CECR2: variants seen among roughly 807,000 people sequenced by gnomAD.
CECR2 encodes the protein chromatin remodeling regulator CECR2.
Under a neutral mutation model 154.5 loss-of-function variants are expected in CECR2, and 30 were observed. The ratio of observed to expected loss-of-function variants is 0.19; its 90% CI spans 0.15 to 0.26. CECR2 has a LOEUF of 0.26. Ranked by LOEUF, CECR2 falls within the 10% of genes least tolerant of loss-of-function variation. CECR2 has a pLI of 1.00. For missense variants in CECR2, 1,743 were observed against 1,829.3 expected, an observed-to-expected ratio of 0.95 and a Z score of 0.86; for synonymous variants, 725 against 683.7, an observed-to-expected ratio of 1.06 and a Z score of -0.94.
intron 1 of CECR2, among the ~76,000 whole-genome samples, chr22:17,389,162 G>A (rs1394548602): frequency 1.3e-5 from 2 of 152,168 alleles, no homozygotes; most frequent in East Asian, 3.9e-4. Context: ...AAACTTAGAA[G>A]GCTGGTACAC....
intron 5 of CECR2, among the ~76,000 whole-genome samples, chr22:17,502,735 G>A (rs904332003): frequency 2.6e-5 from 4 of 152,096 alleles, no homozygotes; most frequent in Non-Finnish European, 5.9e-5. Flanking sequence ...CCTGGGAGGC[G>A]GAGGTTGCAG....
chr22:17,385,840 C>T (rs951026656), intron 1 of CECR2, among the ~76,000 whole-genome samples: 8 of 152,136 alleles, frequency 5.3e-5, no homozygotes, highest in Non-Finnish European at 8.8e-5. Flanking sequence ...GGGCATGAAC[C>T]GCTGATGGTA....
At chr22:17,366,323 G>A (rs2084392255), upstream of CECR2, among the ~76,000 whole-genome samples, 1 of 152,164 alleles carries the variant, frequency 6.6e-6, no homozygotes, top group Admixed American at 6.5e-5. Context: ...GAGTAGCTGG[G>A]AGTACAGGGG....
At chr22:17,420,793 C>T (rs1412511051) in intron 1 of CECR2, among the ~76,000 whole-genome samples, 1 of 151,854 alleles carries the variant, frequency 6.6e-6, no homozygotes, top group Non-Finnish European at 1.5e-5. Context: ...AATGTTTATC[C>T]GTATGCATTT....
In CECR2 at chr22:17,525,918, A is replaced by G. The variant is rs77655090; in HGVS notation, c.1108+1647A>G. Among the ~76,000 whole-genome samples, 1,272 of 152,308 alleles carry G rather than the reference A, an allele frequency of 8.4e-3. 21 individuals carry two copies. The highest frequency in any genetic ancestry group is 0.029 in the African/African-American group (1,193 of 41,558). On this transcript the variant is annotated intron_variant, in intron 9 of 18. Transcript: ENST00000262608. ...TATTGTAGTCCCATCTACAGAAGTC[A>G]CAAATAAAATTAAATCCTAGGAATT... is the stretch of plus-strand genomic sequence containing the variant.
intron 1 of CECR2, among the ~76,000 whole-genome samples, chr22:17,413,920 G>A (rs562643309): frequency 4.7e-5 from 7 of 149,228 alleles, no homozygotes; most frequent in Non-Finnish European, 1.0e-4. Flanking sequence ...CTTGTGATCC[G>A]CCCACCTCGG....
intron 1 of CECR2, among the ~76,000 whole-genome samples, chr22:17,381,949 A>G (rs578160238): frequency 4.6e-5 from 7 of 150,894 alleles, no homozygotes; most frequent in Admixed American, 6.6e-5. Flanking sequence ...GTGCAGTGGC[A>G]CAATCTTGGC....
At chr22:17,400,322 C>G (rs974061668) in intron 1 of CECR2, among the ~76,000 whole-genome samples, 4 of 152,142 alleles carry the variant, frequency 2.6e-5, no homozygotes, top group Non-Finnish European at 2.9e-5. Flanking sequence ...AAAAACAAAG[C>G]TGTCTGGGAA....
chr22:17,437,340 T>C (rs1234135504), intron 1 of CECR2, among the ~76,000 whole-genome samples: 2 of 152,114 alleles, frequency 1.3e-5, no homozygotes, highest in South Asian at 4.1e-4. Flanking sequence ...CTCAGTTTGT[T>C]TCGTCCCTTT....
At chr22:17,425,065 A>G (rs994776411) in intron 1 of CECR2, among the ~76,000 whole-genome samples, 15 of 152,102 alleles carry the variant, frequency 9.9e-5, no homozygotes, top group African/African-American at 3.4e-4. Context: ...TTAACTATGC[A>G]TTTACTTGCC....
At chr22:17,508,529 G>A (rs1238750210) in intron 7 of CECR2, among the ~76,000 whole-genome samples, 1 of 152,164 alleles carries the variant, frequency 6.6e-6, no homozygotes, top group Admixed American at 6.5e-5. Flanking sequence ...ATATCCTGTA[G>A]TCTGGGTGTG....
At chr22:17,485,273 G>A (rs1168188953) in intron 2 of CECR2, among the ~76,000 whole-genome samples, 1 of 152,192 alleles carries the variant, frequency 6.6e-6, no homozygotes, top group Non-Finnish European at 1.5e-5. Context: ...AGACAGTACA[G>A]ATCTGTTTCC....
At chr22:17,450,017 TA>T (rs2054743212) in intron 1 of CECR2, among the ~76,000 whole-genome samples, 1 of 152,174 alleles carries the variant, frequency 6.6e-6, no homozygotes, top group Admixed American at 6.5e-5. Flanking sequence ...AATGAATGAG[TA>T]AACTGATGGT....
At chr22:17,515,412 A>T (rs890696472) in intron 8 of CECR2, among the ~76,000 whole-genome samples, 1 of 152,234 alleles carries the variant, frequency 6.6e-6, no homozygotes, top group African/African-American at 2.4e-5. Flanking sequence ...TGGAGACTAC[A>T]TGTAGAAAAC....
intron 7 of CECR2, among the ~76,000 whole-genome samples, chr22:17,510,682 A>C (rs1014567141): frequency 6.6e-6 from 1 of 152,060 alleles, no homozygotes; most frequent in Non-Finnish European, 1.5e-5. Flanking sequence ...GCTCACTGCA[A>C]GCTCCGCCTG....
intron 1 of CECR2, among the ~76,000 whole-genome samples, chr22:17,383,083 G>A (rs566989971): frequency 6.6e-5 from 10 of 152,156 alleles, no homozygotes; most frequent in South Asian, 2.1e-4. Flanking sequence ...AAAATTAGCC[G>A]GGCACGGTGG....
At chr22:17,552,784 T>TTTTTTTTTTTTTTTTTTTG in intron 18 of CECR2, 51 bp from the exon 19 acceptor site, 1 of 1,419,144 alleles carries the variant, frequency 7.0e-7, no homozygotes. Context: ...GTTTTTTTTT[T>TTTTTTTTTTTTTTTTTTTG]TTTAACAACC....
chr22:17,404,657 A>G (rs187983106), intron 1 of CECR2, among the ~76,000 whole-genome samples: 145,995 of 148,166 alleles, frequency 0.99, 72,495 homozygotes, highest in South Asian at 1. Flanking sequence ...ACAGGCGTGA[A>G]CCACCGCGCC....
intron 17 of CECR2, among the ~76,000 whole-genome samples, chr22:17,549,982 T>C (rs1169989765): frequency 1.3e-5 from 2 of 149,812 alleles, no homozygotes; most frequent in African/African-American, 2.4e-5. Context: ...CAGTTCATGG[T>C]CTAGGAACAA....
Sources: allele counts gnomAD v4.1 joint callset (sites outside exome capture counted in the v4.1 genomes callset), GRCh38; gene constraint gnomAD v4.1.1; transcripts MANE v1.5; gene names NCBI Gene and HGNC (gene_info 2026-07-23, HGNC 2026-07-21).